The following ACP2 variants were observed in gnomAD, a reference collection of about 807,000 sequenced individuals.
ACP2 encodes lysosomal acid phosphatase.
A neutral mutation model predicts 54.7 loss-of-function variants in ACP2; 35 were observed. The ratio of observed to expected loss-of-function variants is 0.64; its 90% CI spans 0.49 to 0.85. ACP2 has a LOEUF of 0.85. ACP2 is among the 40% of genes least tolerant of loss of function. ACP2 has a pLI of 0.00. For synonymous variants in ACP2, 210 were observed against 224.4 expected, an observed-to-expected ratio of 0.94 and a Z score of 0.57; for missense variants, 492 against 565.0, an observed-to-expected ratio of 0.87 and a Z score of 1.31.
In ACP2 at chr11:47,247,741, C is replaced by T. The variant is rs1485856670; in HGVS notation, c.211-14G>A. The T allele has an allele frequency of 1.2e-6, 2 of 1,612,886 alleles. No individual in the cohort carries two copies. Among genetic ancestry groups the T allele is most frequent in the East Asian group, 2.2e-5 (1 of 44,880 alleles). On this transcript the variant is annotated splice_polypyrimidine_tract_variant and intron_variant, in intron 2 of 10. Coordinates refer to ENST00000672073, the MANE Select transcript of ACP2 (RefSeq NM_001610.4). ...TAGCATCCCCTCCTGTGGGCAAACC[C>T]AAGGGTTAAGAGGGTCTAGAGGGAA... is the stretch of plus-strand genomic sequence containing the variant.
At position 47,244,724 on chromosome 11, in the gene ACP2, T is replaced by TCC. The variant is rs1953991720; in HGVS notation, c.772+10_772+11insGG. On this transcript the variant is annotated intron_variant, in intron 7 of 10. Transcript: ENST00000672073. ...TGAGGAGTAGAGTGACACGCTGTCC[T>TCC]TGTCACTCACCCCCCTGAAGCCGGG... 1 of 1,594,500 alleles carries TCC rather than the reference T, an allele frequency of 6.3e-7. No homozygotes were observed. Among genetic ancestry groups the TCC allele is most frequent in the Non-Finnish European group, 8.6e-7 (1 of 1,167,096 alleles).
Position 47,242,882 on chromosome 11 carries a change from T to A in ACP2, c.979A>T (p.Met327Leu). 1 of 1,612,860 alleles carries A rather than the reference T, an allele frequency of 6.2e-7. No individual in the cohort carries two copies. Among genetic ancestry groups the A allele is most frequent in the East Asian group, 2.2e-5 (1 of 44,824 alleles). Residue 327 changes from methionine to leucine, a missense_variant, in exon 10 of 11, where the codon ATG becomes TTG. Coordinates refer to ENST00000672073, the MANE Select transcript of ACP2 (RefSeq NM_001610.4). Reference protein sequence around the residue: ...QEDSGNFSVEMYFRNESDKAP... With the variant: ...QEDSGNFSVELYFRNESDKAP... ...TTGTCACTCTCGTTCCGAAAGTACA[T>A]CTCCACTGAGAAATTCCTGAGGGTC...
Position 47,247,654 on chromosome 11 carries a change from T to C in ACP2, c.284A>G (p.Tyr95Cys). ...TCCCAACCTTACCTCTTGCCGGTGATAAGAGGTGTTTAGGAAGCCGTGATA... is the reference window on the plus strand; with the variant it reads ...TCCCAACCTTACCTCTTGCCGGTGACAAGAGGTGTTTAGGAAGCCGTGATA... The part of the protein sequence containing the change: ...QRYHGFLNTS[Y>C]HRQEVYVRST... The change falls in exon 3 of 11, where the codon TAT becomes TGT. Residue 95 changes from tyrosine (Y) to cysteine (C), a missense_variant. By Grantham distance (194) the Tyr-to-Cys change is radical. Coordinates refer to ENST00000672073, the MANE Select transcript of ACP2 (RefSeq NM_001610.4). 1 of 1,614,208 alleles carries C rather than the reference T, an allele frequency of 6.2e-7. No homozygotes were observed. The highest frequency in any genetic ancestry group is 8.5e-7 in the Non-Finnish European group (1 of 1,180,026).
At chr11:47,242,625 A>G (rs1356436098) in intron 10 of ACP2, 98 bp downstream of exon 10, 2 of 1,435,408 alleles carry the variant, frequency 1.4e-6, no homozygotes, top group African/African-American at 2.8e-5. Flanking sequence ...TAGCAAATGC[A>G]GTCAAATGGC....
rs1308208946 is a variant in ACP2, at chr11:47,240,254, G to C, written c.1139-5C>G. 5 of 1,393,896 alleles carry C rather than the reference G, an allele frequency of 3.6e-6. No homozygotes were observed. 86.3% of individuals were successfully genotyped at this position (1,393,896 alleles called of 1,614,324 possible). On this transcript the variant is annotated splice_polypyrimidine_tract_variant and splice_region_variant and intron_variant, in intron 10 of 10. Coordinates refer to ENST00000672073, the MANE Select transcript of ACP2 (RefSeq NM_001610.4). ...CAGCCAAGGCCACAATCACCTCTGG[G>C]CATGGGGGAGGCAAGAGAAAGGTCA...
At chr11:47,243,596 A>G (rs1474875452) in intron 7 of ACP2, among the ~76,000 whole-genome samples, 1 of 152,214 alleles carries the variant, frequency 6.6e-6, no homozygotes, top group Admixed American at 6.5e-5. Flanking sequence ...CTTCAGTTTG[A>G]AACAAATGTA....
intron 1 of ACP2, 52 bp downstream of exon 1, chr11:47,248,624 C>T: frequency 6.4e-7 from 1 of 1,571,164 alleles, no homozygotes. Flanking sequence ...CACCAGCTGG[C>T]CTTTGCCCTT....
At chr11:47,241,378 A>G (rs1003051911) in intron 10 of ACP2, among the ~76,000 whole-genome samples, 5 of 152,182 alleles carry the variant, frequency 3.3e-5, no homozygotes, top group Non-Finnish European at 7.4e-5. Context: ...TCAGCTGGGC[A>G]TGGTGATGCA....
Position 47,240,982 on chromosome 11 carries a change from G to C in ACP2, c.1139-733C>G, listed in dbSNP as rs1490871062. 2.0e-5 allele frequency among the ~76,000 whole-genome samples: 3 copies of C among 152,184 alleles called. No homozygotes were observed. In the East Asian group the frequency reaches 5.8e-4, roughly 29 times the overall value. On this transcript the variant is annotated intron_variant, in intron 10 of 10. Transcript: ENST00000672073. ...ACAACAATCTGAGAAGAGTATCACAGGGCAGAGGAGACGAAGGGCAAAAGG... is the reference window on the plus strand; with the variant it reads ...ACAACAATCTGAGAAGAGTATCACACGGCAGAGGAGACGAAGGGCAAAAGG...
chr11:47,247,938 A>G (rs1351017272), intron 2 of ACP2, 100 bp downstream of exon 2: 2 of 1,099,216 alleles, frequency 1.8e-6, no homozygotes, highest in East Asian at 2.4e-5. Context: ...CAGCACCCAT[A>G]TGGGAAAAGG....
chr11:47,247,781 C>T, intron 2 of ACP2, 54 bp from the exon 3 acceptor site: 1 of 1,564,224 alleles, frequency 6.4e-7, no homozygotes, highest in Non-Finnish European at 8.7e-7. Context: ...TGGCTTCAAG[C>T]CCCATGGGGT....
intron 6 of ACP2, 39 bp downstream of exon 6, chr11:47,245,266 G>T: frequency 6.2e-7 from 1 of 1,601,920 alleles, no homozygotes; most frequent in Non-Finnish European, 8.6e-7. Flanking sequence ...CTGCTGAGAG[G>T]GAAAAGAATG....
intron 7 of ACP2, among the ~76,000 whole-genome samples, chr11:47,244,022 A>G (rs1473821154): frequency 6.6e-6 from 1 of 152,142 alleles, no homozygotes; most frequent in Non-Finnish European, 1.5e-5. Context: ...TTGTAGTCCC[A>G]GCTACTTAGG....
chr11:47,248,260 G>T, intron 1 of ACP2, 127 bp from the exon 2 acceptor site: 3 of 1,090,288 alleles, frequency 2.8e-6, no homozygotes, highest in East Asian at 2.5e-5. Flanking sequence ...GGCTGCAAAA[G>T]ACCCCAGCTA....
rs562658181 is a variant in ACP2, at chr11:47,244,964, G to T, written c.640-97C>A. On this transcript the variant is annotated intron_variant, in intron 6 of 10. Transcript: ENST00000672073. ...AGTGGGAAGGTGCCTGTGTGTGTGA[G>T]GGAGGGAGAGGGGAGAGAGGCAGAG... 20 of 1,475,234 alleles carry T rather than the reference G, an allele frequency of 1.4e-5. No homozygotes were observed. The East Asian group carries it at 4.6e-4, about 34-fold the overall frequency. The allele number at this position is 1,475,234 out of a possible 1,614,324, so 91.4% of individuals were successfully genotyped here.
At chr11:47,247,368 A>G in intron 3 of ACP2, 1 of 540,526 alleles carries the variant, frequency 1.9e-6, no homozygotes, top group Non-Finnish European at 3.3e-6. Flanking sequence ...TTGGATGGAA[A>G]GCCTGTGATT....
At position 47,241,840 on chromosome 11, in the gene ACP2, T is replaced by G. The variant is rs75261745; in HGVS notation, c.1138+883A>C. On this transcript the variant is annotated intron_variant, in intron 10 of 10. Transcript: ENST00000672073. ...CATCTGGTTTTAGACATTGCAACTT[T>G]GAGATGCCTTACTTAACATGCATGT... 8.3e-3 allele frequency among the ~76,000 whole-genome samples: 1,266 copies of G among 152,300 alleles called. 5 individuals are homozygous for G. Among genetic ancestry groups the G allele is most frequent in the African/African-American group, 0.014 (600 of 41,568 alleles).
intron 7 of ACP2, 52 bp from the exon 8 acceptor site, chr11:47,243,373 A>G (rs1391418497): frequency 6.0e-6 from 9 of 1,496,782 alleles, no homozygotes; most frequent in Non-Finnish European, 8.4e-6. Context: ...TCTGCCTTCT[A>G]ATTAGACCTA....
intron 1 of ACP2, 102 bp downstream of exon 1, chr11:47,248,574 C>T (rs190730053): frequency 1.3e-6 from 2 of 1,551,814 alleles, no homozygotes; most frequent in South Asian, 1.2e-5. Flanking sequence ...CCAGTCGTCC[C>T]CTCCTAAACC....
Sources: gnomAD v4.1 joint callset for allele counts (sites outside exome capture counted in the v4.1 genomes callset) on GRCh38, gnomAD v4.1.1 for gene constraint, MANE v1.5 for transcripts, NCBI Gene and HGNC (gene_info 2026-07-23, HGNC 2026-07-21) for gene names.